EHMT1: variants seen among roughly 807,000 people sequenced by gnomAD.
The protein encoded by EHMT1 is histone-lysine N-methyltransferase EHMT1.
In EHMT1, 15 loss-of-function variants were observed where a neutral mutation model predicts 147.2. That is an observed-to-expected ratio of 0.10 (90% CI 0.07 to 0.16). The LOEUF is 0.16. Among genes scored for constraint, EHMT1 ranks in the 10% least tolerant of loss-of-function variants. The probability of loss-of-function intolerance (pLI) is 1.00; values close to 1 mark genes in which losing one functional copy is unlikely to be tolerated. For synonymous variants in EHMT1, 795 were observed against 709.6 expected (o/e 1.12, Z -1.91); for missense variants, 1,587 against 1,772.4 (o/e 0.90, Z 1.88).
intron 13 of EHMT1, among the ~76,000 whole-genome samples, chr9:137,778,566 G>A (rs1564742683): frequency 6.6e-6 from 1 of 152,172 alleles, no homozygotes; most frequent in Admixed American, 6.5e-5. Context: ...TCTCCCCTCT[G>A]TCTGCCTCCA....
intron 1 of EHMT1, among the ~76,000 whole-genome samples, chr9:137,701,174 T>C (rs1943792499): frequency 6.6e-6 from 1 of 152,106 alleles, no homozygotes; most frequent in South Asian, 2.1e-4. Context: ...TCCCCCAACA[T>C]TGAGGATTAC....
chr9:137,738,230 AC>A (rs34691278), intron 4 of EHMT1, among the ~76,000 whole-genome samples: 1 of 151,568 alleles, frequency 6.6e-6, no homozygotes, highest in Non-Finnish European at 1.5e-5. Flanking sequence ...AACAAAAAAA[AC>A]CCAAAAAAGG....
intron 18 of EHMT1, among the ~76,000 whole-genome samples, chr9:137,807,770 A>C (rs1426466399): frequency 2.0e-5 from 3 of 152,184 alleles, no homozygotes; most frequent in Non-Finnish European, 2.9e-5. Flanking sequence ...GGTCTCCCAA[A>C]GTGCTGGGAT....
intron 3 of EHMT1, among the ~76,000 whole-genome samples, chr9:137,721,686 T>G (rs751552709): frequency 2.6e-5 from 4 of 151,842 alleles, no homozygotes; most frequent in Non-Finnish European, 5.9e-5. Flanking sequence ...CCCTTGCACA[T>G]TGCTTTGCTG....
chr9:137,668,112 C>T (rs1256615286), intron 1 of EHMT1, among the ~76,000 whole-genome samples: 1 of 152,086 alleles, frequency 6.6e-6, no homozygotes. Context: ...AGTGGGGAGG[C>T]AGACAAGTAG....
intron 3 of EHMT1, among the ~76,000 whole-genome samples, chr9:137,717,917 G>A (rs1255422996): frequency 2.0e-5 from 3 of 152,360 alleles, no homozygotes; most frequent in Non-Finnish European, 2.9e-5. Context: ...GAGACATGCC[G>A]AGGTCTCCCT....
chr9:137,677,373 G>A (rs1941462712), intron 1 of EHMT1, among the ~76,000 whole-genome samples: 1 of 152,118 alleles, frequency 6.6e-6, no homozygotes, highest in Non-Finnish European at 1.5e-5. Context: ...GGACTCCAGG[G>A]ATCTGCCTAC....
intron 1 of EHMT1, among the ~76,000 whole-genome samples, chr9:137,678,077 T>A (rs190701117): frequency 2.0e-5 from 3 of 149,498 alleles, no homozygotes; most frequent in Admixed American, 1.3e-4. Flanking sequence ...TCAAAAATAA[T>A]AATAATAATA....
intron 26 of EHMT1, 38 bp from the exon 27 acceptor site, chr9:137,834,735 G>T: frequency 6.2e-7 from 1 of 1,613,254 alleles, no homozygotes; most frequent in Non-Finnish European, 8.5e-7. Flanking sequence ...GGTGCCGGTG[G>T]GATTCGACTT....
intron 16 of EHMT1, among the ~76,000 whole-genome samples, chr9:137,791,813 C>G (rs1017809333): frequency 3.9e-5 from 6 of 152,158 alleles, no homozygotes; most frequent in African/African-American, 1.4e-4. Context: ...CCTACTGCAA[C>G]CTCCACCTCC....
At chr9:137,760,883 C>T (rs1000312136) in intron 9 of EHMT1, among the ~76,000 whole-genome samples, 6 of 152,234 alleles carry the variant, frequency 3.9e-5, no homozygotes, top group African/African-American at 9.6e-5. Flanking sequence ...TGGCGGGCGC[C>T]TGTAGTCCCA....
At chr9:137,724,833 T>TTGTGGCATTCGTGTGGCAGACG (rs1218062827) in intron 3 of EHMT1, among the ~76,000 whole-genome samples, 1 of 147,486 alleles carries the variant, frequency 6.8e-6, no homozygotes, top group Non-Finnish European at 1.5e-5. Context: ...TGTGGTAGAC[T>TTGTGGCATTCGTGTGGCAGACG]TGTGGCATTC....
Position 137,768,529 on chromosome 9 carries a change from ATTTTTTTTTTTTTTTTTTTTTTTTT to A in EHMT1, c.1647+5723_1647+5747del, listed in dbSNP as rs947901899. ...CCACCACGCCCGGCTAATTTTTTGT[ATTTTTTTTTTTTTTTTTTTTTTTTT>A]TTTTTTTTTTTTTGAGACGGAGTCT... On this transcript the variant is annotated intron_variant, in intron 10 of 26. Coordinates refer to ENST00000460843, the MANE Select transcript of EHMT1 (RefSeq NM_024757.5). Among the ~76,000 whole-genome samples, 8 of 18,288 alleles carry A rather than the reference ATTTTTTTTTTTTTTTTTTTTTTTTT, an allele frequency of 4.4e-4. No individual in the cohort carries two copies. In the South Asian group the frequency reaches 0.015, roughly 34 times the overall value. 12.0% of individuals were successfully genotyped at this position (18,288 alleles called of 152,430 possible).
intron 18 of EHMT1, 42 bp downstream of exon 18, chr9:137,801,026 G>A (rs774286974): frequency 1.3e-6 from 2 of 1,552,388 alleles, no homozygotes; most frequent in Non-Finnish European, 1.8e-6. Flanking sequence ...GTCCTGGAGG[G>A]GTGGGGACCT....
intron 18 of EHMT1, 111 bp from the exon 19 acceptor site, chr9:137,811,350 G>C: frequency 6.7e-7 from 1 of 1,495,062 alleles, no homozygotes; most frequent in Non-Finnish European, 9.2e-7. Flanking sequence ...GGACGGCCAC[G>C]CATGCTCCAG....
chr9:137,626,158 C>T (rs907018493), intron 1 of EHMT1, among the ~76,000 whole-genome samples: 7 of 151,728 alleles, frequency 4.6e-5, no homozygotes, highest in African/African-American at 9.7e-5. Context: ...TGAGCCACCA[C>T]GCCTGGCCCA....
Position 137,731,455 on chromosome 9 carries a change from T to A in EHMT1, c.823+2926T>A, listed in dbSNP as rs1588425116. Among the ~76,000 whole-genome samples the A allele has an allele frequency of 6.6e-6, 1 of 152,268 alleles. No individual in the cohort carries two copies. ...TCATCAGTGCACCTTTCAACATGGC[T>A]GGAAAGACAGGAGTGCAGATGGAGG... On this transcript the variant is annotated intron_variant, in intron 4 of 26. Transcript: ENST00000460843. This position sits in a 1 kb window ranked among gnomAD's most constrained non-coding sequence, Gnocchi z 4.3.
At chr9:137,755,146 T>G (rs2136230754) in intron 8 of EHMT1, among the ~76,000 whole-genome samples, 1 of 152,328 alleles carries the variant, frequency 6.6e-6, no homozygotes, top group South Asian at 2.1e-4. Context: ...TTTAACATGC[T>G]TATGACCTTG....
intron 14 of EHMT1, among the ~76,000 whole-genome samples, chr9:137,781,053 CGTGTGGTGATGACGCCGGGAT>C (rs1564748096): frequency 2.3e-4 from 29 of 128,680 alleles, no homozygotes; most frequent in African/African-American, 6.8e-4. Flanking sequence ...GACGCCGAGA[CGTGTGGTGATGACGCCGGGAT>C]GTGTGGTGAT....
Sources: allele counts gnomAD v4.1 joint callset (sites outside exome capture counted in the v4.1 genomes callset), GRCh38; gene constraint gnomAD v4.1.1; non-coding constraint Gnocchi (gnomAD v3.1); transcripts MANE v1.5; gene names NCBI Gene and HGNC (gene_info 2026-07-23, HGNC 2026-07-21).